The following USH1C variants were observed in gnomAD, a reference collection of about 807,000 sequenced individuals.
The protein encoded by USH1C is harmonin.
Under a neutral mutation model 119.3 loss-of-function variants are expected in USH1C, and 90 were observed. The ratio of observed to expected loss-of-function variants is 0.75; its 90% CI spans 0.64 to 0.90. USH1C has a LOEUF of 0.90. Among genes scored for constraint, USH1C ranks in the 40% least tolerant of loss-of-function variants. The pLI is 0.00. For missense variants in USH1C, 1,165 were observed against 1,167.7 expected, an observed-to-expected ratio of 1.00 and a Z score of 0.03; for synonymous variants, 465 against 443.3, an observed-to-expected ratio of 1.05 and a Z score of -0.62.
chr11:17,518,209 C>T (rs1850244901), intron 14 of USH1C, among the ~76,000 whole-genome samples: 1 of 152,236 alleles, frequency 6.6e-6, no homozygotes, highest in Non-Finnish European at 1.5e-5. Flanking sequence ...GCTCAAATTA[C>T]ATTTACCCAA....
chr11:17,501,634 C>A, intron 21 of USH1C, 99 bp from the exon 22 acceptor site: 1 of 1,358,198 alleles, frequency 7.4e-7, no homozygotes, highest in Non-Finnish European at 1.0e-6. Flanking sequence ...GGACACTGGG[C>A]CCCACAGAGC....
chr11:17,512,596 A>G (rs1849945004), intron 15 of USH1C, among the ~76,000 whole-genome samples: 1 of 152,196 alleles, frequency 6.6e-6, no homozygotes, highest in Non-Finnish European at 1.5e-5. Context: ...AGGGCTGGCA[A>G]GCTTCATCTG....
intron 1 of USH1C, 89 bp downstream of exon 1, chr11:17,544,183 G>A: frequency 6.4e-7 from 1 of 1,564,368 alleles, no homozygotes; most frequent in Non-Finnish European, 8.8e-7. Context: ...GGCCGGAAAA[G>A]GGAGGGGCAG....
In USH1C at chr11:17,524,490, A is replaced by C; in HGVS notation, c.720T>G (p.His240Gln). ...PIQKPGIFIS[H>Q]VKPGSLSAEV... ...CAGCAGACAGGGAGCCAGGTTTCAC[A>C]TGGCTGATAAAGATGCCAGGCTTCT... Residue 240 changes from histidine to glutamine, a missense_variant, in exon 9 of 27, where the codon CAT (histidine) becomes CAG (glutamine). Physicochemically the swap from His to Gln is conservative, Grantham distance 24. Transcript: ENST00000005226. 6.4e-7 allele frequency: 1 copy of C among 1,574,294 alleles called. No homozygotes were observed. The highest frequency in any genetic ancestry group is 8.6e-7 in the Non-Finnish European group (1 of 1,158,182).
rs145986889 is a variant in USH1C at position 17,523,056 on chromosome 11, C to T, written c.877-130G>A. On this transcript the variant is annotated intron_variant, in intron 11 of 26. Transcript: ENST00000005226. The stretch of plus-strand genomic sequence containing the variant: ...GCACTGCGGCTCCCGCAATCCCTGA[C>T]CCAAACTTCTTGCTGGGCAGAAGTC... The T allele has an allele frequency of 5.1e-5, 80 of 1,578,148 alleles. No homozygotes were observed. The Middle Eastern group carries it at 8.4e-4, about 17-fold the overall frequency.
At chr11:17,515,004 A>G (rs533695959) in intron 15 of USH1C, among the ~76,000 whole-genome samples, 1 of 151,922 alleles carries the variant, frequency 6.6e-6, no homozygotes, top group East Asian at 1.9e-4. Flanking sequence ...AAGATTTGAC[A>G]TATCTGTCTC....
rs1178652613 is a variant in USH1C at position 17,501,076 on chromosome 11, A to G, written c.2355T>C (p.Tyr785=). ...PIGKVVVSAV[Y]ERGAAERHGG... ...CATGCCGCTCAGCAGCTCCCCGCTC[A>G]TACACAGCAGAAACGACCACCTTCC... Residue 785 remains tyrosine (Y), a synonymous_variant, in exon 23 of 27, where the codon TAT becomes TAC. Transcript: ENST00000005226. 1.2e-6 allele frequency: 2 copies of G among 1,613,994 alleles called. No individual in the cohort carries two copies. Among genetic ancestry groups the G allele is most frequent in the Middle Eastern group, 1.6e-4 (1 of 6,062 alleles).
chr11:17,515,064 C>A (rs1290950796), intron 15 of USH1C, among the ~76,000 whole-genome samples: 1 of 104,962 alleles, frequency 9.5e-6, no homozygotes, highest in Non-Finnish European at 2.3e-5. Flanking sequence ...TGTGTGTGTG[C>A]TTGTGTGTGT....
At chr11:17,523,892 T>C (rs1191080311) in intron 9 of USH1C, among the ~76,000 whole-genome samples, 1 of 152,184 alleles carries the variant, frequency 6.6e-6, no homozygotes, top group African/African-American at 2.4e-5. Context: ...AGTATACATA[T>C]TAATTACTTT....
chr11:17,538,870 T>C (rs111648872), intron 1 of USH1C, among the ~76,000 whole-genome samples: 3,695 of 152,264 alleles, frequency 0.024, 146 homozygotes, highest in African/African-American at 0.084. Flanking sequence ...CTGGGCCTCT[T>C]TGGCAGCCCT....
chr11:17,528,250 A>G (rs1160310574), intron 4 of USH1C, among the ~76,000 whole-genome samples: 6 of 152,178 alleles, frequency 3.9e-5, no homozygotes, highest in African/African-American at 9.7e-5. Flanking sequence ...CTTAGGCCAC[A>G]GTGGATTGTT....
At chr11:17,538,092 T>A (rs1270480313) in intron 1 of USH1C, among the ~76,000 whole-genome samples, 6 of 152,234 alleles carry the variant, frequency 3.9e-5, no homozygotes, top group African/African-American at 1.4e-4. Context: ...AAGCCTTTCC[T>A]TTTCTTGGAT....
In USH1C at chr11:17,527,008, C is replaced by A; in HGVS notation, c.521+8G>T. On this transcript the variant is annotated splice_region_variant and intron_variant, in intron 6 of 26. Coordinates refer to ENST00000005226, the MANE Select transcript of USH1C (RefSeq NM_153676.4). ...GAAGAGTTGGCCTGCAGAGGAGGGGCCTCTCACCTTTTCACGGGGATCAGG... is the reference window on the plus strand; with the variant it reads ...GAAGAGTTGGCCTGCAGAGGAGGGGACTCTCACCTTTTCACGGGGATCAGG... The A allele has an allele frequency of 6.4e-7, 1 of 1,563,926 alleles. No homozygotes were observed. Among genetic ancestry groups the A allele is most frequent in the East Asian group, 2.4e-5 (1 of 42,310 alleles).
chr11:17,526,871 C>T, intron 6 of USH1C, 61 bp from the exon 7 acceptor site: 2 of 1,597,886 alleles, frequency 1.3e-6, no homozygotes, highest in Non-Finnish European at 1.7e-6. Flanking sequence ...GGAACCAGGC[C>T]CCACATCCAG....
intron 23 of USH1C, among the ~76,000 whole-genome samples, chr11:17,499,744 T>C (rs540015424): frequency 2.1e-3 from 318 of 152,360 alleles, no homozygotes; most frequent in African/African-American, 7.5e-3. Context: ...GCTGGACTTG[T>C]ATCCAGGGCT....
rs1182662221 is a variant in USH1C at position 17,544,345 on chromosome 11, T to C, written c.-38A>G. The C allele has an allele frequency of 5.0e-6, 8 of 1,613,432 alleles. No homozygotes were observed. The highest frequency in any genetic ancestry group is 4.2e-6 in the Non-Finnish European group (5 of 1,179,802). ...TCCAGCTGCGTCGTTGCACGACCCG[T>C]TCCTTCGGGTGCCCGGCTGCCAGGA... On this transcript the variant is annotated 5_prime_UTR_variant, in exon 1 of 27. Coordinates refer to ENST00000005226, the MANE Select transcript of USH1C (RefSeq NM_153676.4).
At chr11:17,533,790 C>T (rs948411429) in intron 1 of USH1C, 18 of 457,592 alleles carry the variant, frequency 3.9e-5, no homozygotes, top group Non-Finnish European at 7.0e-5. Context: ...TAGCACATGC[C>T]ACTCTCCAGA....
chr11:17,534,267 C>T (rs556949741), intron 1 of USH1C, among the ~76,000 whole-genome samples: 1 of 152,344 alleles, frequency 6.6e-6, no homozygotes, highest in African/African-American at 2.4e-5. Flanking sequence ...CAGAAGAGGG[C>T]CAGAGCAGCG....
At chr11:17,533,900 T>C in intron 1 of USH1C, 1 of 361,564 alleles carries the variant, frequency 2.8e-6, no homozygotes, top group Middle Eastern at 3.7e-4. Flanking sequence ...GTCAGTTTCA[T>C]GGCCACTCCT....
Sources: allele counts gnomAD v4.1 joint callset (sites outside exome capture counted in the v4.1 genomes callset), GRCh38; gene constraint gnomAD v4.1.1; transcripts MANE v1.5; gene names NCBI Gene and HGNC (gene_info 2026-07-23, HGNC 2026-07-21).